Variants in CELF2 observed in about 807,000 individuals in gnomAD.
The protein encoded by CELF2 is CUG triplet repeat RNA-binding protein 2.
Under a neutral mutation model 62.6 loss-of-function variants are expected in CELF2, and 8 were observed. The ratio of observed to expected loss-of-function variants is 0.13; its 90% CI spans 0.07 to 0.23. The LOEUF is 0.23. Among genes scored for constraint, CELF2 ranks in the 10% least tolerant of loss-of-function variants. The pLI, the probability that CELF2 is intolerant of heterozygous loss-of-function variation, is 1.00. For missense variants in CELF2, 333 were observed against 671.0 expected (o/e 0.50, Z 5.56); for synonymous variants, 258 against 250.0 (o/e 1.03, Z -0.30).
rs56373613 is a variant in CELF2, at chr10:11,202,901, ATCTCTCTCTCTC to A, written c.272-14484_272-14473del. On this transcript the variant is annotated intron_variant, in intron 2 of 12. Coordinates refer to ENST00000633077, the MANE Select transcript of CELF2 (RefSeq NM_001326342.2). ...TGCCTGCCTTCCCACCCCCATCCTC[ATCTCTCTCTCTC>A]TCTCTCTCTCTCTCTCTCTCTCTCT... Among the ~76,000 whole-genome samples, 82 of 70,970 alleles carry A rather than the reference ATCTCTCTCTCTC, an allele frequency of 1.2e-3. 1 individual carries two copies. The highest frequency in any genetic ancestry group is 0.011 in the East Asian group (19 of 1,782). The allele number at this position is 70,970 out of a possible 152,430, so 46.6% of individuals were successfully genotyped here.
chr10:11,147,133 C>T (rs773400994), intron 1 of CELF2, among the ~76,000 whole-genome samples: 17 of 152,088 alleles, frequency 1.1e-4, no homozygotes, highest in Non-Finnish European at 2.5e-4. Context: ...CTGCCAGGCT[C>T]TCTGCTTGAG....
chr10:10,627,102 G>A, the CELF2 span, among the ~76,000 whole-genome samples: 17 of 152,214 alleles, frequency 1.1e-4, no homozygotes, highest in Non-Finnish European at 1.9e-4. Flanking sequence ...TTAAAAATGT[G>A]TAGTGAGGCT....
At chr10:10,636,891 G>T in the CELF2 span, among the ~76,000 whole-genome samples, 1 of 152,126 alleles carries the variant, frequency 6.6e-6, no homozygotes, top group Non-Finnish European at 1.5e-5. Flanking sequence ...TTAACAGAAA[G>T]AAAAACTATT....
chr10:11,240,004 G>A (rs763545510), intron 3 of CELF2, among the ~76,000 whole-genome samples: 2 of 152,128 alleles, frequency 1.3e-5, no homozygotes, highest in Admixed American at 6.5e-5. Context: ...GTGAGCTAAC[G>A]TCATGCCATT....
chr10:10,700,537 G>A, the CELF2 span, among the ~76,000 whole-genome samples: 124 of 152,248 alleles, frequency 8.1e-4, 2 homozygotes, highest in East Asian at 0.019. Context: ...CTGTACCAAG[G>A]CAAGAAAACA....
chr10:10,658,790 A>G, the CELF2 span, among the ~76,000 whole-genome samples: 2 of 152,042 alleles, frequency 1.3e-5, no homozygotes, highest in Non-Finnish European at 2.9e-5. Flanking sequence ...GGCCTGATAG[A>G]ATTTGATCAT....
chr10:11,018,058 C>T lies in CELF2; in HGVS notation c.-32C>T, dbSNP rs1345788378. The T allele has an allele frequency of 2.1e-6, 3 of 1,401,536 alleles. No individual in the cohort carries two copies. The highest frequency in any genetic ancestry group is 2.2e-5 in the Admixed American group (1 of 44,934). 86.8% of individuals were successfully genotyped at this position (1,401,536 alleles called of 1,614,324 possible). A position where few individuals can be genotyped will look rare whatever the true frequency, so the allele number is the denominator to read the frequency against. ...CCGCTCGGACGCGCGCAGAGCCGCC[C>T]CCCGCCGCTGCCGCCGCGTGCGCCC... On this transcript the variant is annotated 5_prime_UTR_variant, in exon 1 of 13. Transcript: ENST00000633077.
the CELF2 span, among the ~76,000 whole-genome samples, chr10:10,714,534 G>A: frequency 6.6e-6 from 1 of 152,126 alleles, no homozygotes; most frequent in Non-Finnish European, 1.5e-5. Context: ...CCACAGTTCA[G>A]CAATTAAATG....
At chr10:10,793,093 A>G in the CELF2 span, among the ~76,000 whole-genome samples, 35 of 152,314 alleles carry the variant, frequency 2.3e-4, 1 homozygote, top group East Asian at 6.6e-3. Context: ...TTTTGCATAT[A>G]TGTAGCAGGT....
intron 9 of CELF2, among the ~76,000 whole-genome samples, chr10:11,293,154 C>T (rs557825762): frequency 4.9e-4 from 75 of 152,352 alleles, no homozygotes; most frequent in African/African-American, 1.4e-3. Flanking sequence ...TCGGCCTTTA[C>T]GCCATTATTC....
the CELF2 span, among the ~76,000 whole-genome samples, chr10:10,736,565 T>TTTTG: frequency 5.9e-5 from 9 of 152,096 alleles, no homozygotes; most frequent in South Asian, 6.2e-4. Flanking sequence ...CGTTGGGAAT[T>TTTTG]TTTGTTTGTT....
chr10:10,699,517 T>C, the CELF2 span, among the ~76,000 whole-genome samples: 1 of 152,202 alleles, frequency 6.6e-6, no homozygotes, highest in East Asian at 1.9e-4. Flanking sequence ...TAAGCGATCA[T>C]GAAAGCATTC....
chr10:10,616,292 T>TGG, the CELF2 span, among the ~76,000 whole-genome samples: 67 of 145,190 alleles, frequency 4.6e-4, 2 homozygotes, highest in African/African-American at 1.0e-3. Flanking sequence ...AGGTTTTGTT[T>TGG]GGGGTGTGTG....
At position 11,244,744 on chromosome 10, in the gene CELF2, C is replaced by G. The variant is rs1565516580; in HGVS notation, c.355-4409C>G. ...ATATCGTATCATTGTTCTTGATCAA[C>G]AGTAGGGCCTATTTTCTCTTATTCT... On this transcript the variant is annotated intron_variant, in intron 3 of 12. Coordinates refer to ENST00000633077, the MANE Select transcript of CELF2 (RefSeq NM_001326342.2). The surrounding 1 kb of genome is among the most constrained non-coding windows in gnomAD (Gnocchi z 4.2). Among the ~76,000 whole-genome samples the G allele has an allele frequency of 6.6e-6, 1 of 151,964 alleles. No individual in the cohort carries two copies. The highest frequency in any genetic ancestry group is 1.9e-4 in the East Asian group (1 of 5,198).
At chr10:10,501,402 C>A in the CELF2 span, among the ~76,000 whole-genome samples, 3 of 152,202 alleles carry the variant, frequency 2.0e-5, no homozygotes, top group African/African-American at 7.2e-5. Context: ...TTCCGCGTAT[C>A]CTCTTTCATT....
intron 1 of CELF2, among the ~76,000 whole-genome samples, chr10:11,143,512 C>G (rs2132341770): frequency 6.6e-6 from 1 of 152,320 alleles, no homozygotes; most frequent in Non-Finnish European, 1.5e-5. Flanking sequence ...TCATGCCTTC[C>G]TGACTTCATC....
chr10:11,105,197 ACC>A (rs1487334682), intron 1 of CELF2, among the ~76,000 whole-genome samples: 1 of 152,170 alleles, frequency 6.6e-6, no homozygotes, highest in Non-Finnish European at 1.5e-5. Flanking sequence ...GTGCTTTTTT[ACC>A]ACCTGCAGTC....
At chr10:10,960,860 A>C (rs2049419690) in intron 2 of CELF2, among the ~76,000 whole-genome samples, 1 of 152,196 alleles carries the variant, frequency 6.6e-6, no homozygotes, top group Admixed American at 6.5e-5. Flanking sequence ...TGTACATTTC[A>C]ACACAATAGG....
the CELF2 span, among the ~76,000 whole-genome samples, chr10:10,651,019 G>A: frequency 1.5e-4 from 23 of 151,992 alleles, no homozygotes; most frequent in Admixed American, 2.6e-4. Flanking sequence ...TGCGCGCACC[G>A]TGCGCGAGCC....
Sources: allele counts gnomAD v4.1 joint callset (sites outside exome capture counted in the v4.1 genomes callset), GRCh38; gene constraint gnomAD v4.1.1; non-coding constraint Gnocchi (gnomAD v3.1); transcripts MANE v1.5; gene names NCBI Gene and HGNC (gene_info 2026-07-23, HGNC 2026-07-21).